Variants in TASP1 observed in about 807,000 individuals in gnomAD.
TASP1 encodes taspase 1.
In TASP1, 16 loss-of-function variants were observed where a neutral mutation model predicts 56.6. The ratio of observed to expected loss-of-function variants is 0.28; its 90% confidence interval spans 0.19 to 0.43. The LOEUF is 0.43. Ranked by LOEUF, TASP1 falls within the 20% of genes least tolerant of loss-of-function variation. The pLI is 1.00. For missense variants in TASP1, 393 were observed against 511.6 expected (o/e 0.77, Z 2.24); for synonymous variants, 179 against 184.2 (o/e 0.97, Z 0.23).
At chr20:13,173,120 T>C in the TASP1 span, among the ~76,000 whole-genome samples, 4 of 152,186 alleles carry the variant, frequency 2.6e-5, no homozygotes, top group Non-Finnish European at 1.5e-5. Flanking sequence ...TTACCCTGTA[T>C]GATGATTGAC....
At chr20:13,507,248 T>G (rs189898877) in intron 10 of TASP1, among the ~76,000 whole-genome samples, 6 of 152,078 alleles carry the variant, frequency 3.9e-5, no homozygotes, top group African/African-American at 1.4e-4. Context: ...CTATAAAACA[T>G]TGGGCTAGGA....
At chr20:13,329,539 T>C in the TASP1 span, among the ~76,000 whole-genome samples, 1 of 150,430 alleles carries the variant, frequency 6.6e-6, no homozygotes, top group Non-Finnish European at 1.5e-5. Context: ...ATAAATATAG[T>C]AATATGCTTT....
chr20:13,588,246 G>GACGA (rs2047380254), intron 4 of TASP1, among the ~76,000 whole-genome samples: 1 of 108,606 alleles, frequency 9.2e-6, no homozygotes, highest in Non-Finnish European at 1.8e-5. Flanking sequence ...AGAAAGAAAG[G>GACGA]AAGAAAGGAA....
At chr20:13,240,904 T>C in the TASP1 span, among the ~76,000 whole-genome samples, 3 of 152,158 alleles carry the variant, frequency 2.0e-5, no homozygotes, top group African/African-American at 7.2e-5. Flanking sequence ...AGTGGATTTA[T>C]ATGGGACATG....
At chr20:13,341,466 C>T in the TASP1 span, among the ~76,000 whole-genome samples, 2 of 152,100 alleles carry the variant, frequency 1.3e-5, no homozygotes, top group Non-Finnish European at 2.9e-5. Flanking sequence ...GCCCTCTTTT[C>T]CGTAACATGA....
downstream of TASP1, chr20:13,389,261 A>G (rs1354292547): frequency 1.3e-5 from 2 of 152,204 alleles, no homozygotes; most frequent in Non-Finnish European, 2.9e-5. Context: ...ACTAAGTTCA[A>G]CTTGCATCTT....
At chr20:13,182,931 A>G in the TASP1 span, among the ~76,000 whole-genome samples, 3 of 152,242 alleles carry the variant, frequency 2.0e-5, no homozygotes, top group Non-Finnish European at 2.9e-5. Context: ...TCTGAGGAAC[A>G]TAGCAAAATA....
the TASP1 span, among the ~76,000 whole-genome samples, chr20:13,282,065 C>T: frequency 6.6e-6 from 1 of 152,162 alleles, no homozygotes; most frequent in African/African-American, 2.4e-5. Context: ...AACAAGCCCT[C>T]CAGGCACTCT....
At chr20:13,436,206 A>C (rs2042995107) in intron 11 of TASP1, among the ~76,000 whole-genome samples, 1 of 152,160 alleles carries the variant, frequency 6.6e-6, no homozygotes. Flanking sequence ...TGTAGGCTTC[A>C]AGATCCTCTG....
At chr20:13,201,969 G>C in the TASP1 span, among the ~76,000 whole-genome samples, 2 of 152,152 alleles carry the variant, frequency 1.3e-5, no homozygotes, top group Non-Finnish European at 2.9e-5. Flanking sequence ...TGGCCAGGCT[G>C]GTCTCGAACT....
intron 4 of TASP1, among the ~76,000 whole-genome samples, chr20:13,603,498 T>A (rs1164968170): frequency 6.6e-6 from 1 of 152,076 alleles, no homozygotes. Context: ...GCCATGATCA[T>A]GCCACCACTC....
intron 1 of TASP1, among the ~76,000 whole-genome samples, chr20:13,632,119 C>T (rs915991519): frequency 3.3e-5 from 5 of 150,496 alleles, no homozygotes; most frequent in African/African-American, 1.2e-4. Context: ...AATCCCAGCA[C>T]TTTGGGAGGC....
At chr20:13,392,234 A>G (rs2041316091) in intron 13 of TASP1, among the ~76,000 whole-genome samples, 1 of 152,160 alleles carries the variant, frequency 6.6e-6, no homozygotes, top group Admixed American at 6.5e-5. Context: ...TGATACATGA[A>G]AAAGCAGCAG....
At chr20:13,341,396 C>G in the TASP1 span, among the ~76,000 whole-genome samples, 3 of 152,180 alleles carry the variant, frequency 2.0e-5, no homozygotes, top group African/African-American at 7.2e-5. Context: ...GAGCTGAATT[C>G]ACATCTAGCT....
chr20:13,468,220 C>A (rs1211174657), intron 11 of TASP1, among the ~76,000 whole-genome samples: 3 of 144,360 alleles, frequency 2.1e-5, no homozygotes, highest in Non-Finnish European at 4.6e-5. Context: ...CAAAGATACT[C>A]TGAGCTTACC....
the TASP1 span, among the ~76,000 whole-genome samples, chr20:13,223,168 A>T: frequency 2.3e-4 from 29 of 128,204 alleles, no homozygotes; most frequent in African/African-American, 9.8e-4. Context: ...AAAAAAAAAT[A>T]AAATAAAATA....
the TASP1 span, among the ~76,000 whole-genome samples, chr20:13,273,215 TTTTTATTTTATTTTA>T: frequency 6.1e-5 from 8 of 130,628 alleles, no homozygotes; most frequent in South Asian, 7.4e-4. Context: ...ACTTGGGTCT[TTTTTATTTTATTTTA>T]TTTTATTTTA....
the TASP1 span, among the ~76,000 whole-genome samples, chr20:13,251,748 C>G: frequency 6.6e-5 from 10 of 152,208 alleles, no homozygotes; most frequent in South Asian, 6.2e-4. Flanking sequence ...AGAAGCCATT[C>G]ATAAGTTTGT....
chr20:13,390,491 A>G (rs2041232002), intron 13 of TASP1, 39 bp from the exon 14 acceptor site: 2 of 1,590,554 alleles, frequency 1.3e-6, no homozygotes, highest in Non-Finnish European at 1.7e-6. Context: ...CAGAGGGGTC[A>G]GCGGTGTCCC....
Sources: gnomAD v4.1 joint callset for allele counts (sites outside exome capture counted in the v4.1 genomes callset) on GRCh38, gnomAD v4.1.1 for gene constraint, MANE v1.5 for transcripts, NCBI Gene and HGNC (gene_info 2026-07-23, HGNC 2026-07-21) for gene names.